Variants in NSG1 observed in about 807,000 individuals in gnomAD.
NSG1 encodes the protein neuronal vesicle trafficking-associated protein 1.
In NSG1, 9 loss-of-function variants were observed where a neutral mutation model predicts 19.3. The ratio of observed to expected loss-of-function variants is 0.47; its 90% CI spans 0.28 to 0.81. The LOEUF (loss-of-function observed/expected upper bound fraction) is 0.81, where lower values mean the gene tolerates loss of function less well. Among genes scored for constraint, NSG1 ranks in the 40% least tolerant of loss-of-function variants. The pLI, the probability that NSG1 is intolerant of heterozygous loss-of-function variation, is 0.11. For synonymous variants in NSG1, 104 were observed against 107.0 expected, an observed-to-expected ratio of 0.97 and a Z score of 0.17; for missense variants, 236 against 242.4, an observed-to-expected ratio of 0.97 and a Z score of 0.18.
intron 2 of NSG1, among the ~76,000 whole-genome samples, chr4:4,388,158 T>A (rs1378425147): frequency 6.6e-6 from 1 of 151,234 alleles, no homozygotes; most frequent in African/African-American, 2.4e-5. Flanking sequence ...GGTGTGGCAG[T>A]TCAGCCCGAC....
chr4:4,393,781 C>T (rs961826719), intron 3 of NSG1, among the ~76,000 whole-genome samples: 3 of 152,166 alleles, frequency 2.0e-5, no homozygotes, highest in African/African-American at 7.2e-5. Context: ...AAAGCCAAGG[C>T]CTTCCCAACA....
At chr4:4,390,662 T>C (rs968938298) in intron 2 of NSG1, among the ~76,000 whole-genome samples, 1 of 152,158 alleles carries the variant, frequency 6.6e-6, no homozygotes, top group African/African-American at 2.4e-5. Flanking sequence ...TATAACACCT[T>C]GACCCTGCTC....
intron 3 of NSG1, among the ~76,000 whole-genome samples, chr4:4,395,947 ATC>A (rs1276863937): frequency 2.0e-5 from 3 of 152,028 alleles, no homozygotes; most frequent in Non-Finnish European, 4.4e-5. Flanking sequence ...TTGGGGATTA[ATC>A]TCTTGGCTGT....
chr4:4,398,418 C>A (rs1047839567), intron 3 of NSG1, among the ~76,000 whole-genome samples: 12 of 152,036 alleles, frequency 7.9e-5, no homozygotes, highest in African/African-American at 2.9e-4. Flanking sequence ...AAAGGAGACC[C>A]CATTCCCATT....
intron 3 of NSG1, among the ~76,000 whole-genome samples, chr4:4,407,602 C>G (rs895056455): frequency 2.6e-5 from 4 of 152,148 alleles, no homozygotes; most frequent in Non-Finnish European, 5.9e-5. Flanking sequence ...TTCAGCTGGT[C>G]CTGTGGCCAG....
rs553839762 is a variant in NSG1 at position 4,413,778 on chromosome 4, A to G, written c.358-3457A>G. Among the ~76,000 whole-genome samples, 13 of 151,602 alleles carry G rather than the reference A, an allele frequency of 8.6e-5. No homozygotes were observed. The South Asian group carries it at 2.7e-3, about 32-fold the overall frequency. On this transcript the variant is annotated intron_variant, in intron 4 of 4. Coordinates refer to ENST00000621129, the MANE Select transcript of NSG1 (RefSeq NM_014392.5). ...GGGGAGGCTGGAGATTGGAAGGGAGAGACGGGGCAGTGAGATGACCAAGGA... is the reference window on the plus strand; with the variant it reads ...GGGGAGGCTGGAGATTGGAAGGGAGGGACGGGGCAGTGAGATGACCAAGGA...
intron 4 of NSG1, chr4:4,415,992 A>C (rs1402506636): frequency 1.5e-6 from 1 of 665,356 alleles, no homozygotes; most frequent in Non-Finnish European, 2.7e-6. Context: ...ACTGAGATCA[A>C]GACGCTGTTG....
intron 3 of NSG1, 29 bp downstream of exon 3, chr4:4,391,620 T>C (rs765742188): frequency 6.8e-7 from 1 of 1,472,136 alleles, no homozygotes; most frequent in South Asian, 1.2e-5. Flanking sequence ...GGTGAGATGC[T>C]GCTTTTGCCC....
intron 1 of NSG1, 43 bp from the exon 2 acceptor site, chr4:4,387,561 C>CGGGGGTGGGTGGGGGG: frequency 1.8e-6 from 2 of 1,141,992 alleles, no homozygotes; most frequent in Non-Finnish European, 1.2e-6. Flanking sequence ...CGCCCCGCCC[C>CGGGGGTGGGTGGGGGG]GGGTCTTGCT....
chr4:4,408,874 C>T (rs1348952809), intron 3 of NSG1, among the ~76,000 whole-genome samples: 4 of 152,226 alleles, frequency 2.6e-5, no homozygotes, highest in East Asian at 3.9e-4. Context: ...GCCCTCCAGC[C>T]GGGGCAGGCT....
upstream of NSG1, chr4:4,386,746 GC>G: frequency 6.6e-6 from 1 of 152,506 alleles, no homozygotes; most frequent in Non-Finnish European, 1.5e-5. Flanking sequence ...TCCTTTCTAA[GC>G]GCCTCGCGCC....
intron 4 of NSG1, 110 bp downstream of exon 4, chr4:4,409,793 C>A: frequency 2.4e-6 from 2 of 845,034 alleles, no homozygotes; most frequent in Non-Finnish European, 3.9e-6. Flanking sequence ...CACGGACAGG[C>A]CTTAGAGCAG....
At chr4:4,408,357 C>T (rs1723979939) in intron 3 of NSG1, among the ~76,000 whole-genome samples, 1 of 152,202 alleles carries the variant, frequency 6.6e-6, no homozygotes. Context: ...GGAGGCCCTG[C>T]CACGTGCTGG....
intron 3 of NSG1, among the ~76,000 whole-genome samples, chr4:4,403,720 C>T (rs1723695608): frequency 6.6e-6 from 1 of 152,240 alleles, no homozygotes. Flanking sequence ...TCATGTACAT[C>T]TGAGCCTCAG....
chr4:4,401,869 C>T (rs2108739228), intron 3 of NSG1, among the ~76,000 whole-genome samples: 1 of 152,088 alleles, frequency 6.6e-6, no homozygotes, highest in Non-Finnish European at 1.5e-5. Flanking sequence ...TATAGATTCA[C>T]CAGTGTCAGT....
At position 4,418,883 on chromosome 4, in the gene NSG1, A is replaced by C. The variant is rs2108762709; in HGVS notation, c.*1448A>C. The C allele has an allele frequency of 6.6e-6, 1 of 152,402 alleles. No homozygotes were observed. The highest frequency in any genetic ancestry group is 3.4e-3 in the Middle Eastern group (1 of 294). 9.4% of individuals were successfully genotyped at this position (152,402 alleles called of 1,614,324 possible). A position where few individuals can be genotyped will look rare whatever the true frequency, so the allele number is the denominator to read the frequency against. On this transcript the variant is annotated 3_prime_UTR_variant, in exon 5 of 5. Transcript: ENST00000621129. The stretch of plus-strand genomic sequence containing the variant: ...AAGCTGTGGAAAATGACTCAAGAGC[A>C]ATAAATCAGTGCCAAAGCTTCCCTG...
chr4:4,413,039 C>T (rs1236277251), intron 4 of NSG1, among the ~76,000 whole-genome samples: 2 of 151,972 alleles, frequency 1.3e-5, no homozygotes, highest in African/African-American at 4.8e-5. Flanking sequence ...AGGCTCCCGA[C>T]ATTCAGCTCT....
chr4:4,410,929 C>T (rs1724145006), intron 4 of NSG1, among the ~76,000 whole-genome samples: 1 of 152,224 alleles, frequency 6.6e-6, no homozygotes, highest in Non-Finnish European at 1.5e-5. Flanking sequence ...GCGTTCTTGA[C>T]TCACTGCAAC....
In NSG1 at chr4:4,393,022, A is replaced by T. The variant is rs1723079315; in HGVS notation, c.246+1431A>T. Among the ~76,000 whole-genome samples, 2 of 152,072 alleles carry T rather than the reference A, an allele frequency of 1.3e-5. 1 individual carries two copies. The highest frequency in any genetic ancestry group is 4.1e-4 in the South Asian group (2 of 4,822). On this transcript the variant is annotated intron_variant, in intron 3 of 4. Coordinates refer to ENST00000621129, the MANE Select transcript of NSG1 (RefSeq NM_014392.5). The stretch of plus-strand genomic sequence containing the variant: ...GGCCAGTGGGATTAGCGCGTGCCTT[A>T]TCTGCTGCCACTCACCTGTCCTGCC...
Sources: allele counts gnomAD v4.1 joint callset (sites outside exome capture counted in the v4.1 genomes callset), GRCh38; gene constraint gnomAD v4.1.1; transcripts MANE v1.5; gene names NCBI Gene and HGNC (gene_info 2026-07-23, HGNC 2026-07-21).